Variants in MAPK10 observed in about 807,000 individuals in gnomAD.
MAPK10 encodes the protein JNK3 alpha protein kinase.
In MAPK10, 25 loss-of-function variants were observed where a neutral mutation model predicts 59.3. The ratio of observed to expected loss-of-function variants is 0.42; its 90% CI spans 0.31 to 0.59. The LOEUF (loss-of-function observed/expected upper bound fraction) is 0.59. Ranked by LOEUF, MAPK10 falls within the 20% of genes least tolerant of loss-of-function variation. The pLI, the probability that MAPK10 is intolerant of heterozygous loss-of-function variation, is 0.15. For synonymous variants in MAPK10, 190 were observed against 200.5 expected (o/e 0.95, Z 0.44); for missense variants, 351 against 568.9 (o/e 0.62, Z 3.90).
intron 1 of MAPK10, among the ~76,000 whole-genome samples, chr4:86,492,776 A>G (rs940261829): frequency 1.3e-5 from 2 of 152,174 alleles, no homozygotes; most frequent in African/African-American, 4.8e-5. Flanking sequence ...GACTCACTGT[A>G]GGACTGTATG....
At chr4:86,188,196 C>T (rs926961995) in intron 3 of MAPK10, among the ~76,000 whole-genome samples, 1 of 152,036 alleles carries the variant, frequency 6.6e-6, no homozygotes, top group Non-Finnish European at 1.5e-5. Context: ...TGAACAGTGC[C>T]ACTATAAACA....
chr4:86,244,506 A>C (rs2092949793), intron 2 of MAPK10, among the ~76,000 whole-genome samples: 1 of 152,204 alleles, frequency 6.6e-6, no homozygotes, highest in Non-Finnish European at 1.5e-5. Flanking sequence ...TGATGCATCA[A>C]ATGAAGGTCG....
intron 9 of MAPK10, among the ~76,000 whole-genome samples, chr4:86,075,994 C>G (rs553468391): frequency 1.4e-5 from 2 of 142,536 alleles, no homozygotes; most frequent in African/African-American, 4.9e-5. Context: ...TCCCCCAGCC[C>G]TCCTGGGGCC....
chr4:86,533,822 TC>T (rs1758023594), intron 1 of MAPK10, among the ~76,000 whole-genome samples: 1 of 152,232 alleles, frequency 6.6e-6, no homozygotes, highest in Non-Finnish European at 1.5e-5. Flanking sequence ...CTGTTGGACT[TC>T]CCACCTCTGT....
At chr4:86,561,542 T>C (rs1026287116) in intron 1 of MAPK10, among the ~76,000 whole-genome samples, 2 of 152,212 alleles carry the variant, frequency 1.3e-5, no homozygotes, top group African/African-American at 4.8e-5. Context: ...TGATTTACAG[T>C]GAATGAAGAA....
intron 2 of MAPK10, among the ~76,000 whole-genome samples, chr4:86,213,094 C>T (rs371725550): frequency 6.6e-6 from 1 of 152,000 alleles, no homozygotes; most frequent in East Asian, 1.9e-4. Context: ...CACTTTTAGA[C>T]AACCAATGGA....
intron 2 of MAPK10, among the ~76,000 whole-genome samples, chr4:86,213,440 A>T (rs2086437955): frequency 6.6e-6 from 1 of 152,134 alleles, no homozygotes; most frequent in African/African-American, 2.4e-5. Flanking sequence ...GATTAACAAA[A>T]TTGACAAATC....
intron 1 of MAPK10, among the ~76,000 whole-genome samples, chr4:86,415,429 T>C (rs1462036446): frequency 6.6e-6 from 1 of 152,210 alleles, no homozygotes. Context: ...GCAGCATTAT[T>C]ACACAATAGA....
chr4:86,214,188 G>A (rs887115431), intron 2 of MAPK10, among the ~76,000 whole-genome samples: 2 of 151,928 alleles, frequency 1.3e-5, no homozygotes, highest in African/African-American at 4.8e-5. Context: ...ACCCTTTCAT[G>A]ATTTTAAAAA....
At chr4:86,247,713 T>C (rs1298250010) in intron 2 of MAPK10, among the ~76,000 whole-genome samples, 2 of 152,100 alleles carry the variant, frequency 1.3e-5, no homozygotes, top group African/African-American at 4.8e-5. Flanking sequence ...CTAAGATGGT[T>C]TGGAGGACTT....
At chr4:86,184,775 A>G (rs551446855) in intron 3 of MAPK10, among the ~76,000 whole-genome samples, 119 of 148,724 alleles carry the variant, frequency 8.0e-4, no homozygotes, top group African/African-American at 2.8e-3. Flanking sequence ...TTCCTGAACC[A>G]GAAGCAGATG....
At chr4:86,152,245 T>G (rs1271019700) in intron 4 of MAPK10, 1 of 152,168 alleles carries the variant, frequency 6.6e-6, no homozygotes, top group Non-Finnish European at 1.5e-5. Context: ...TATTAAAATC[T>G]GTGAAAAATG....
At chr4:86,038,284 T>TA (rs1214589453) in intron 11 of MAPK10, among the ~76,000 whole-genome samples, 3 of 152,222 alleles carry the variant, frequency 2.0e-5, no homozygotes, top group Non-Finnish European at 4.4e-5. Flanking sequence ...ACAAAAGCTT[T>TA]AAATAGCACT....
At chr4:86,568,476 T>A (rs994348584) in intron 1 of MAPK10, among the ~76,000 whole-genome samples, 1 of 152,116 alleles carries the variant, frequency 6.6e-6, no homozygotes, top group Non-Finnish European at 1.5e-5. Context: ...ACGGCCCAAG[T>A]AGCCAAAGCA....
chr4:86,321,544 A>G (rs1230502866), intron 2 of MAPK10, among the ~76,000 whole-genome samples: 1 of 137,150 alleles, frequency 7.3e-6, no homozygotes, highest in Admixed American at 8.5e-5. Context: ...ATGAGAACAC[A>G]TGGACACAGG....
rs776795710 is a variant in MAPK10, at chr4:86,149,871, C to T, written c.236+9427G>A. Among the ~76,000 whole-genome samples, 3 of 152,140 alleles carry T rather than the reference C, an allele frequency of 2.0e-5. No homozygotes were observed. In the South Asian group the frequency reaches 6.2e-4, roughly 32 times the overall value. ...TCTAACCACGGCCTTTCACAGCCCTCAGTATGTTGGCCAGTCCATCCCATT... is the reference window on the plus strand; with the variant it reads ...TCTAACCACGGCCTTTCACAGCCCTTAGTATGTTGGCCAGTCCATCCCATT... On this transcript the variant is annotated intron_variant, in intron 4 of 13. Transcript: ENST00000641462.
intron 4 of MAPK10, chr4:86,124,441 T>C (rs368187953): frequency 6.6e-6 from 1 of 151,922 alleles, no homozygotes; most frequent in East Asian, 1.9e-4. Flanking sequence ...AAAATAACTT[T>C]TTATACATAA....
intron 1 of MAPK10, among the ~76,000 whole-genome samples, chr4:86,511,916 A>G (rs886876358): frequency 2.0e-5 from 3 of 152,020 alleles, no homozygotes; most frequent in Non-Finnish European, 2.9e-5. Flanking sequence ...AGGAGGAAGG[A>G]AAAAGAAGAA....
intron 12 of MAPK10, among the ~76,000 whole-genome samples, chr4:86,030,347 G>C (rs1488319074): frequency 6.6e-6 from 1 of 151,724 alleles, no homozygotes; most frequent in Non-Finnish European, 1.5e-5. Context: ...TATATATAGA[G>C]AGAGGCAGAG....
Sources: gnomAD v4.1 joint callset for allele counts (sites outside exome capture counted in the v4.1 genomes callset) on GRCh38, gnomAD v4.1.1 for gene constraint, MANE v1.5 for transcripts, NCBI Gene and HGNC (gene_info 2026-07-23, HGNC 2026-07-21) for gene names.